Variants in ZBTB2 observed in about 807,000 individuals in gnomAD.
ZBTB2 encodes zinc finger and BTB domain containing 2.
Under a neutral mutation model 39.5 loss-of-function variants are expected in ZBTB2, and 2 were observed. The observed-to-expected ratio is 0.05, with a 90% CI of 0.02 to 0.16. ZBTB2 has a LOEUF of 0.16. ZBTB2 is among the 10% of genes least tolerant of loss of function. The pLI is 1.00. For missense variants in ZBTB2, 391 were observed against 653.0 expected (o/e 0.60, Z 4.37); for synonymous variants, 251 against 256.6 (o/e 0.98, Z 0.21).
chr6:151,368,880 C>T (rs949301838), intron 2 of ZBTB2, among the ~76,000 whole-genome samples: 1 of 148,302 alleles, frequency 6.7e-6, no homozygotes, highest in East Asian at 2.0e-4. Flanking sequence ...TCTTCTGCTT[C>T]GCCTCCCAAG....
chr6:151,378,860 A>T (rs1040545742), intron 1 of ZBTB2, among the ~76,000 whole-genome samples: 1 of 152,254 alleles, frequency 6.6e-6, no homozygotes, highest in Non-Finnish European at 1.5e-5. Context: ...GCCATCATTT[A>T]CATATGCTAT....
Position 151,384,344 on chromosome 6 carries a change from G to A in ZBTB2, c.-13+7076C>T, listed in dbSNP as rs181114443. On this transcript the variant is annotated intron_variant, in intron 1 of 2. Coordinates refer to ENST00000325144, the MANE Select transcript of ZBTB2 (RefSeq NM_020861.3). ...AAGATCTCTACAATGTAGAGACTGC[G>A]GAACTAATCAAGCTGGGGAGGAGGG... is the stretch of plus-strand genomic sequence containing the variant. Among the ~76,000 whole-genome samples the A allele has an allele frequency of 1.3e-4, 20 of 152,200 alleles. No individual in the cohort carries two copies. The East Asian group carries it at 2.5e-3, about 19-fold the overall frequency.
chr6:151,365,829 G>C lies in ZBTB2; in HGVS notation c.1237C>G (p.Gln413Glu). Residue 413 changes from glutamine (Q) to glutamate (E), a missense_variant, in exon 3 of 3, where the codon CAG becomes GAG. Coordinates refer to ENST00000325144, the MANE Select transcript of ZBTB2 (RefSeq NM_020861.3). The surrounding 1 kb of genome is among the most constrained non-coding windows in gnomAD (Gnocchi z 5.6). The part of the protein sequence containing the change: ...NQAARHVCLN[Q>E]SIDTYTMVDK... ...ACCATGGTGTAAGTGTCGATGCTCT[G>C]GTTGAGGCACACGTGGCGGGCAGCC... 6.2e-7 allele frequency: 1 copy of C among 1,614,212 alleles called. No homozygotes were observed. The highest frequency in any genetic ancestry group is 8.5e-7 in the Non-Finnish European group (1 of 1,180,044).
At chr6:151,372,870 T>A (rs984362237) in intron 2 of ZBTB2, among the ~76,000 whole-genome samples, 2 of 152,000 alleles carry the variant, frequency 1.3e-5, no homozygotes, top group Admixed American at 6.5e-5. Flanking sequence ...ATGGACCTGA[T>A]CTTGCCGGGT....
chr6:151,365,469 A>C lies in ZBTB2; in HGVS notation c.*52T>G. 1 of 1,539,676 alleles carries C rather than the reference A, an allele frequency of 6.5e-7. No homozygotes were observed. The highest frequency in any genetic ancestry group is 8.7e-7 in the Non-Finnish European group (1 of 1,144,146). On this transcript the variant is annotated 3_prime_UTR_variant, in exon 3 of 3. Coordinates refer to ENST00000325144, the MANE Select transcript of ZBTB2 (RefSeq NM_020861.3). The surrounding 1 kb of genome is among the most constrained non-coding windows in gnomAD (Gnocchi z 5.6). ...CTACAGTTCTGAATTCAGGGAAGGG[A>C]GGGAAGATAGTCTTTGTAAAAATGA... is the stretch of plus-strand genomic sequence containing the variant.
intron 1 of ZBTB2, chr6:151,378,167 A>G (rs1778957725): frequency 6.6e-6 from 1 of 152,194 alleles, no homozygotes; most frequent in African/African-American, 2.4e-5. Flanking sequence ...AGGGATGTTC[A>G]GGCAGATTCA....
intron 2 of ZBTB2, among the ~76,000 whole-genome samples, chr6:151,370,599 T>C (rs1404287528): frequency 1.3e-5 from 2 of 152,236 alleles, no homozygotes; most frequent in Non-Finnish European, 2.9e-5. Context: ...TGTAGTTGTC[T>C]GTGATTTAAA....
At chr6:151,386,282 C>T (rs1446517136) in intron 1 of ZBTB2, among the ~76,000 whole-genome samples, 1 of 152,212 alleles carries the variant, frequency 6.6e-6, no homozygotes, top group Non-Finnish European at 1.5e-5. Context: ...CAGTGGCTCA[C>T]CCCTGTAATC....
chr6:151,374,984 G>A (rs993740038), intron 1 of ZBTB2, among the ~76,000 whole-genome samples: 2 of 150,852 alleles, frequency 1.3e-5, no homozygotes, highest in Non-Finnish European at 2.9e-5. Flanking sequence ...GCTGGGCGTG[G>A]TGGCAGGCGC....
chr6:151,368,761 T>C (rs1486666678), intron 2 of ZBTB2, among the ~76,000 whole-genome samples: 1 of 147,170 alleles, frequency 6.8e-6, no homozygotes, highest in Non-Finnish European at 1.5e-5. Flanking sequence ...GTCATTTTTC[T>C]TTCTTTTTTT....
chr6:151,379,637 G>GAAAAAAAAA (rs61085296), intron 1 of ZBTB2, among the ~76,000 whole-genome samples: 54 of 65,818 alleles, frequency 8.2e-4, no homozygotes, highest in Non-Finnish European at 1.1e-3. Flanking sequence ...GACCCTGTCT[G>GAAAAAAAAA]AAAAAAAAAA....
Position 151,366,777 on chromosome 6 carries a change from G to A in ZBTB2, c.289C>T (p.Gln97Ter). The change falls in exon 3 of 3, where the codon CAG becomes TAG. Residue 97 changes from glutamine to a stop codon, truncating the protein, a stop_gained. Transcript: ENST00000325144. LOFTEE classifies it high-confidence loss of function. This position sits in a 1 kb window ranked among gnomAD's most constrained non-coding sequence, Gnocchi z 7.1. Reference sequence around the variant, plus strand: ...TAGGCGTGCAGAAACTTGATGCCCTGTTCTAATCGAACCGGGTCGATGAGC... The same window carrying A: ...TAGGCGTGCAGAAACTTGATGCCCTATTCTAATCGAACCGGGTCGATGAGC... ...PQLIDPVRLEQGIKFLHAYPL... is the reference protein window; with the variant it reads ...PQLIDPVRLE 1 of 1,614,128 alleles carries A rather than the reference G, an allele frequency of 6.2e-7. No individual in the cohort carries two copies. The highest frequency in any genetic ancestry group is 8.5e-7 in the Non-Finnish European group (1 of 1,180,026).
intron 1 of ZBTB2, among the ~76,000 whole-genome samples, chr6:151,390,313 G>A (rs1418909932): frequency 6.9e-6 from 1 of 144,512 alleles, no homozygotes; most frequent in Non-Finnish European, 1.5e-5. Flanking sequence ...CGGCGCCGGG[G>A]CCCTCTGGCC....
chr6:151,372,925 C>T (rs902662590), intron 2 of ZBTB2, among the ~76,000 whole-genome samples: 25 of 151,808 alleles, frequency 1.6e-4, no homozygotes, highest in Non-Finnish European at 1.2e-4. Context: ...GAGGCCGAGG[C>T]GGGCAGATCA....
At position 151,369,033 on chromosome 6, in the gene ZBTB2, G is replaced by A. The variant is rs185706399; in HGVS notation, c.174-2141C>T. Reference sequence around the variant, plus strand: ...CCATCTCGGCCTCCCAAAGTGCTAGGATTACAGGCATGAACCACCGCGCCT... The same window carrying A: ...CCATCTCGGCCTCCCAAAGTGCTAGAATTACAGGCATGAACCACCGCGCCT... On this transcript the variant is annotated intron_variant, in intron 2 of 2. Transcript: ENST00000325144. 5.7e-4 allele frequency among the ~76,000 whole-genome samples: 87 copies of A among 152,260 alleles called. No homozygotes were observed. The East Asian group carries it at 9.5e-3, about 17-fold the overall frequency.
intron 2 of ZBTB2, among the ~76,000 whole-genome samples, chr6:151,367,786 C>T (rs1283303107): frequency 6.6e-6 from 1 of 152,208 alleles, no homozygotes; most frequent in East Asian, 1.9e-4. Flanking sequence ...TTATCTAAGG[C>T]ACCTAAAGCC....
rs1268993485 is a variant in ZBTB2 at position 151,377,200 on chromosome 6, C to CA, written c.-12-3552dup. On this transcript the variant is annotated intron_variant, in intron 1 of 2. Coordinates refer to ENST00000325144, the MANE Select transcript of ZBTB2 (RefSeq NM_020861.3). ...GGTGGGCATGGCTATGGAAGGGCAACATGAGGGATCCTTGTGGTGATGGGA... is the reference window on the plus strand; with the variant it reads ...GGTGGGCATGGCTATGGAAGGGCAACAATGAGGGATCCTTGTGGTGATGGGA... 2.0e-5 allele frequency among the ~76,000 whole-genome samples: 3 copies of CA among 151,818 alleles called. No individual in the cohort carries two copies. The East Asian group carries it at 5.8e-4, about 29-fold the overall frequency.
At position 151,366,048 on chromosome 6, in the gene ZBTB2, G is replaced by A. The variant is rs748588161; in HGVS notation, c.1018C>T (p.Pro340Ser). 6.2e-7 allele frequency: 1 copy of A among 1,614,182 alleles called. No homozygotes were observed. The highest frequency in any genetic ancestry group is 8.5e-7 in the Non-Finnish European group (1 of 1,180,038). Residue 340 changes from proline to serine, a missense_variant, in exon 3 of 3, where the codon CCC becomes TCC. This residue lies in a region of ZBTB2 where 80 missense variants were observed against 125.2 expected (regional missense o/e 0.64). Transcript: ENST00000325144. This position sits in a 1 kb window ranked among gnomAD's most constrained non-coding sequence, Gnocchi z 7.1. The part of the protein sequence containing the change: ...DGQQQSETPP[P>S]SDIADIDNLE... ...TTGTCAATGTCAGCAATGTCTGAGGGGGGTGGGGTTTCCGACTGCTGCTGC... is the reference window on the plus strand; with the variant it reads ...TTGTCAATGTCAGCAATGTCTGAGGAGGGTGGGGTTTCCGACTGCTGCTGC...
At chr6:151,373,371 G>T (rs1778828363) in intron 2 of ZBTB2, 94 bp downstream of exon 2, 1 of 1,387,750 alleles carries the variant, frequency 7.2e-7, no homozygotes, top group Non-Finnish European at 1.0e-6. Flanking sequence ...TAGGAGCTAG[G>T]AGACGTAGAG....
Sources: gnomAD v4.1 joint callset for allele counts (sites outside exome capture counted in the v4.1 genomes callset) on GRCh38, gnomAD v4.1.1 for gene constraint, gnomAD v4.1.1 regional missense constraint, Gnocchi (gnomAD v3.1) non-coding constraint, MANE v1.5 for transcripts, NCBI Gene and HGNC (gene_info 2026-07-23, HGNC 2026-07-21) for gene names.